ROR2: variants seen among roughly 807,000 people sequenced by gnomAD.
ROR2 encodes the protein tyrosine-protein kinase transmembrane receptor ROR2.
In ROR2, 33 loss-of-function variants were observed where a neutral mutation model predicts 74.9. The observed-to-expected ratio is 0.44, with a 90% CI of 0.33 to 0.59. The LOEUF is 0.59. Among genes scored for constraint, ROR2 ranks in the 20% least tolerant of loss-of-function variants. The pLI, the probability that ROR2 is intolerant of heterozygous loss-of-function variation, is 0.02. For missense variants in ROR2, 1,216 were observed against 1,313.8 expected (o/e 0.93, Z 1.15); for synonymous variants, 586 against 558.7 (o/e 1.05, Z -0.69).
chr9:91,754,311 AT>A (rs1825674699), intron 4 of ROR2, among the ~76,000 whole-genome samples: 4 of 150,942 alleles, frequency 2.7e-5, no homozygotes, highest in Non-Finnish European at 4.4e-5. Context: ...TAGTTACATA[AT>A]ATATTTATGT....
intron 4 of ROR2, among the ~76,000 whole-genome samples, chr9:91,743,681 C>A (rs140756726): frequency 6.6e-6 from 1 of 152,140 alleles, no homozygotes; most frequent in East Asian, 1.9e-4. Context: ...AAAGGGGCAA[C>A]GTCCTCCTCA....
At chr9:91,771,701 TCTCTCTCTCTC>T (rs1226474553) in intron 2 of ROR2, among the ~76,000 whole-genome samples, 2 of 149,878 alleles carry the variant, frequency 1.3e-5, no homozygotes, top group Non-Finnish European at 3.0e-5. Flanking sequence ...TCTCTGTCTC[TCTCTCTCTCTC>T]CTCTCTCTCT....
chr9:91,854,239 C>T (rs972966870), intron 1 of ROR2, among the ~76,000 whole-genome samples: 4 of 152,186 alleles, frequency 2.6e-5, no homozygotes, highest in African/African-American at 9.7e-5. Flanking sequence ...TGGCTCCCAG[C>T]ACCCGACTGT....
intron 1 of ROR2, among the ~76,000 whole-genome samples, chr9:91,908,009 A>C (rs1043080723): frequency 1.3e-5 from 2 of 152,218 alleles, no homozygotes; most frequent in Non-Finnish European, 2.9e-5. Flanking sequence ...GATGACACTA[A>C]TTGTTGTGGG....
In ROR2 at chr9:91,949,915, CCGGGATGCACAGCAGCGGCCGCCG is replaced by C. The variant is rs777010968; in HGVS notation, c.25_48del (p.Arg9_Pro16del). On this transcript the variant is annotated inframe_deletion, in exon 1 of 9. Transcript: ENST00000375708. ...AGAAGCGCGGCGGCCGCCCAGACGG[CCGGGATGCACAGCAGCGGCCGCCG>C]CGGGAGCGCCGAGCCCCGGGCCATG... 6.5e-7 allele frequency: 1 copy of C among 1,538,220 alleles called. No individual in the cohort carries two copies. Among genetic ancestry groups the C allele is most frequent in the South Asian group, 1.2e-5 (1 of 83,650 alleles).
chr9:91,898,877 C>T (rs1830602415), intron 1 of ROR2, among the ~76,000 whole-genome samples: 1 of 152,230 alleles, frequency 6.6e-6, no homozygotes, highest in African/African-American at 2.4e-5. Flanking sequence ...CCACGCTTGG[C>T]ACACAGCTGA....
chr9:91,866,417 C>CTTTTTTTT (rs59024037), intron 1 of ROR2, among the ~76,000 whole-genome samples: 1 of 103,910 alleles, frequency 9.6e-6, no homozygotes, highest in African/African-American at 4.0e-5. Flanking sequence ...CACGCCCAGT[C>CTTTTTTTT]TTTTTTTTTT....
At chr9:91,852,528 G>A (rs1182058359) in intron 1 of ROR2, among the ~76,000 whole-genome samples, 2 of 151,996 alleles carry the variant, frequency 1.3e-5, no homozygotes, top group East Asian at 1.9e-4. Context: ...AAAGAGGTGC[G>A]GAGGGCAGCA....
intron 1 of ROR2, among the ~76,000 whole-genome samples, chr9:91,780,939 G>A (rs1826599495): frequency 6.6e-6 from 1 of 152,170 alleles, no homozygotes; most frequent in Non-Finnish European, 1.5e-5. Context: ...TATGCCCTTG[G>A]ATTTGAGTCC....
chr9:91,775,703 T>A, intron 2 of ROR2, 38 bp downstream of exon 2: 1 of 1,594,224 alleles, frequency 6.3e-7, no homozygotes, highest in South Asian at 1.1e-5. Context: ...CACAGGGCAT[T>A]TGGAGGACAT....
chr9:91,733,494 A>G lies in ROR2; in HGVS notation c.623-58T>C. ...GACCCACCTTGCGCCCTTGACATTC[A>G]TCCAGTCCCCACCCCCAGCCTGGCA... On this transcript the variant is annotated intron_variant, in intron 5 of 8. Coordinates refer to ENST00000375708, the MANE Select transcript of ROR2 (RefSeq NM_004560.4). This position sits in a 1 kb window ranked among gnomAD's most constrained non-coding sequence, Gnocchi z 5.7. 1 of 1,539,998 alleles carries G rather than the reference A, an allele frequency of 6.5e-7. No homozygotes were observed. The highest frequency in any genetic ancestry group is 8.8e-7 in the Non-Finnish European group (1 of 1,141,860).
At chr9:91,860,345 CAG>C (rs1198595983) in intron 1 of ROR2, among the ~76,000 whole-genome samples, 4 of 152,166 alleles carry the variant, frequency 2.6e-5, no homozygotes, top group African/African-American at 4.8e-5. Context: ...TCATGAGAAA[CAG>C]GGGAGTTTCC....
chr9:91,848,669 C>T (rs1460454150), intron 1 of ROR2, among the ~76,000 whole-genome samples: 1 of 150,638 alleles, frequency 6.6e-6, no homozygotes, highest in Non-Finnish European at 1.5e-5. Flanking sequence ...CAGGGAGAAT[C>T]GCTTGAACCT....
At chr9:91,892,540 T>A (rs991076200) in intron 1 of ROR2, among the ~76,000 whole-genome samples, 2 of 152,122 alleles carry the variant, frequency 1.3e-5, no homozygotes, top group South Asian at 2.1e-4. Flanking sequence ...GGATTTTTTT[T>A]TTTTATTTTA....
chr9:91,791,272 T>C (rs888955182), intron 1 of ROR2, among the ~76,000 whole-genome samples: 9 of 152,236 alleles, frequency 5.9e-5, no homozygotes, highest in Admixed American at 3.3e-4. Context: ...TGTGTTATAA[T>C]TGCCTATAAT....
At chr9:91,871,696 G>C (rs1427524568) in intron 1 of ROR2, among the ~76,000 whole-genome samples, 1 of 152,302 alleles carries the variant, frequency 6.6e-6, no homozygotes, top group East Asian at 1.9e-4. Flanking sequence ...TGCTGGTTCT[G>C]AATGAAGCCT....
chr9:91,761,954 G>A (rs1247392755), intron 2 of ROR2, among the ~76,000 whole-genome samples: 3 of 152,156 alleles, frequency 2.0e-5, no homozygotes, highest in Admixed American at 2.0e-4. Context: ...ACAGGGAGAT[G>A]GATTTGAAGC....
intron 1 of ROR2, among the ~76,000 whole-genome samples, chr9:91,902,486 G>A (rs895824355): frequency 6.6e-6 from 1 of 152,118 alleles, no homozygotes; most frequent in Non-Finnish European, 1.5e-5. Context: ...AGCAGTTCCC[G>A]ATGGGGAGCT....
chr9:91,888,147 T>C (rs2119389287), intron 1 of ROR2, among the ~76,000 whole-genome samples: 1 of 152,318 alleles, frequency 6.6e-6, no homozygotes, highest in Non-Finnish European at 1.5e-5. Flanking sequence ...TTTTGTAAAT[T>C]TGATGGCATC....
Sources: allele counts gnomAD v4.1 joint callset (sites outside exome capture counted in the v4.1 genomes callset), GRCh38; gene constraint gnomAD v4.1.1; non-coding constraint Gnocchi (gnomAD v3.1); transcripts MANE v1.5; gene names NCBI Gene and HGNC (gene_info 2026-07-23, HGNC 2026-07-21).